The following MEGF10 variants were observed in gnomAD, a reference collection of about 807,000 sequenced individuals.
MEGF10 encodes the protein multiple EGF like domains 10, also known as multiple epidermal growth factor-like domains protein 10.
A neutral mutation model predicts 147.5 loss-of-function variants in MEGF10; 86 were observed. The ratio of observed to expected loss-of-function variants is 0.58; its 90% CI spans 0.49 to 0.70. The LOEUF is 0.70. Among genes scored for constraint, MEGF10 ranks in the 30% least tolerant of loss-of-function variants. MEGF10 has a pLI of 0.00. For synonymous variants in MEGF10, 478 were observed against 525.5 expected, an observed-to-expected ratio of 0.91 and a Z score of 1.24; for missense variants, 1,329 against 1,487.3, an observed-to-expected ratio of 0.89 and a Z score of 1.75.
the MEGF10 span, among the ~76,000 whole-genome samples, chr5:127,281,086 G>A: frequency 3.3e-5 from 5 of 152,202 alleles, no homozygotes; most frequent in African/African-American, 1.2e-4. Context: ...CATTGACGGT[G>A]AGAACTCCAG....
At chr5:127,360,245 A>G (rs1762422089) in intron 4 of MEGF10, among the ~76,000 whole-genome samples, 1 of 151,904 alleles carries the variant, frequency 6.6e-6, no homozygotes, top group Non-Finnish European at 1.5e-5. Flanking sequence ...TAAGTATTTC[A>G]TATTTTTTGA....
intron 11 of MEGF10, 109 bp downstream of exon 11, chr5:127,419,349 C>A: frequency 7.4e-7 from 1 of 1,344,802 alleles, no homozygotes; most frequent in Non-Finnish European, 1.0e-6. Flanking sequence ...CACCAAAATT[C>A]AGTGTCTGAC....
At chr5:127,302,932 G>GA (rs1255655910) in intron 1 of MEGF10, among the ~76,000 whole-genome samples, 1 of 152,170 alleles carries the variant, frequency 6.6e-6, no homozygotes, top group Non-Finnish European at 1.5e-5. Flanking sequence ...AATCACAGAA[G>GA]AGGAGAGAGT....
the MEGF10 span, among the ~76,000 whole-genome samples, chr5:127,275,812 C>A: frequency 2.0e-5 from 3 of 152,126 alleles, no homozygotes; most frequent in Non-Finnish European, 4.4e-5. Flanking sequence ...GGATTGTTGA[C>A]ACCGAGAGTA....
chr5:127,308,831 T>G (rs1477434411), intron 1 of MEGF10, among the ~76,000 whole-genome samples: 2 of 151,948 alleles, frequency 1.3e-5, no homozygotes, highest in African/African-American at 4.8e-5. Flanking sequence ...AACTGCATGT[T>G]GTGCACACGT....
At chr5:127,248,383 T>TA in the MEGF10 span, among the ~76,000 whole-genome samples, 2 of 151,992 alleles carry the variant, frequency 1.3e-5, no homozygotes, top group African/African-American at 2.4e-5. Flanking sequence ...AACAAAGATT[T>TA]AAAAAAATAC....
intron 5 of MEGF10, among the ~76,000 whole-genome samples, chr5:127,371,409 G>A (rs960850430): frequency 2.0e-5 from 3 of 152,080 alleles, no homozygotes; most frequent in African/African-American, 4.8e-5. Flanking sequence ...TTTTCTGGCC[G>A]ACTGACCTCA....
At position 127,422,753 on chromosome 5, in the gene MEGF10, C is replaced by T. The variant is rs1240722484; in HGVS notation, c.1674C>T (p.Arg558=). 4 of 1,614,090 alleles carry T rather than the reference C, an allele frequency of 2.5e-6. No individual in the cohort carries two copies. Among genetic ancestry groups the T allele is most frequent in the East Asian group, 2.2e-5 (1 of 44,870 alleles). ...GCCACCCTACCACGGGCCATTGCCG[C>T]TGCCTCCCCGGATGGTCAGGTGAGA... The part of the protein sequence containing the change: ...DGCHPTTGHC[R]CLPGWSGVHC... The change falls in exon 13 of 25, where the codon CGC becomes CGT. Residue 558 remains arginine (R), a synonymous_variant. Transcript: ENST00000503335.
At chr5:127,240,392 G>A in the MEGF10 span, among the ~76,000 whole-genome samples, 4 of 152,148 alleles carry the variant, frequency 2.6e-5, no homozygotes, top group African/African-American at 9.7e-5. Flanking sequence ...AAAGCTCTCT[G>A]ATGTCTCTGT....
At chr5:127,297,594 T>G (rs1759562696) in intron 1 of MEGF10, among the ~76,000 whole-genome samples, 2 of 152,146 alleles carry the variant, frequency 1.3e-5, no homozygotes, top group African/African-American at 4.8e-5. Context: ...GGTGGGGGAA[T>G]GGGCTCAGCA....
At chr5:127,404,352 A>ATC (rs1389258205) in intron 8 of MEGF10, among the ~76,000 whole-genome samples, 43 of 152,036 alleles carry the variant, frequency 2.8e-4, no homozygotes, top group African/African-American at 1.0e-3. Context: ...CTCCTTATAT[A>ATC]TGCTGGTCAT....
the MEGF10 span, among the ~76,000 whole-genome samples, chr5:127,244,209 A>AAG: frequency 6.6e-6 from 1 of 151,306 alleles, no homozygotes; most frequent in African/African-American, 2.4e-5. Flanking sequence ...AAAAAAAAAA[A>AAG]AAAAAAAATT....
At chr5:127,314,538 C>G (rs2126746824) in intron 1 of MEGF10, among the ~76,000 whole-genome samples, 1 of 152,276 alleles carries the variant, frequency 6.6e-6, no homozygotes, top group South Asian at 2.1e-4. Context: ...AGAATTTTTA[C>G]TTATGTCCTG....
Position 127,440,725 on chromosome 5 carries a change from C to G in MEGF10, c.2234-14C>G. 1.2e-6 allele frequency: 2 copies of G among 1,613,380 alleles called. No homozygotes were observed. The highest frequency in any genetic ancestry group is 1.7e-6 in the Non-Finnish European group (2 of 1,179,564). The stretch of plus-strand genomic sequence containing the variant: ...GCAGCCTCTTGACTCCTACTGTCCT[C>G]CCTCCTCCCACAGGATGTCCTCTAG... On this transcript the variant is annotated splice_polypyrimidine_tract_variant and intron_variant, in intron 17 of 24. Transcript: ENST00000503335.
chr5:127,445,046 A>G (rs1319735065), intron 19 of MEGF10, among the ~76,000 whole-genome samples: 1 of 152,212 alleles, frequency 6.6e-6, no homozygotes, highest in Non-Finnish European at 1.5e-5. Context: ...AATATATAAG[A>G]AGCTCTCAAA....
At chr5:127,368,687 T>A (rs1030574754) in intron 4 of MEGF10, among the ~76,000 whole-genome samples, 1 of 152,190 alleles carries the variant, frequency 6.6e-6, no homozygotes, top group Admixed American at 6.5e-5. Flanking sequence ...CTAAATCTTA[T>A]GATCAAGACC....
At chr5:127,264,396 G>A in the MEGF10 span, among the ~76,000 whole-genome samples, 2 of 152,228 alleles carry the variant, frequency 1.3e-5, no homozygotes, top group African/African-American at 4.8e-5. Context: ...GTTACATTTT[G>A]ATAGCACTGT....
intron 22 of MEGF10, 102 bp from the exon 23 acceptor site, chr5:127,454,464 T>C: frequency 1.0e-6 from 1 of 955,716 alleles, no homozygotes; most frequent in Non-Finnish European, 1.6e-6. Flanking sequence ...AGCCTGGTTG[T>C]TTGCTGCAGT....
the MEGF10 span, among the ~76,000 whole-genome samples, chr5:127,258,200 A>G: frequency 6.6e-6 from 1 of 152,318 alleles, no homozygotes; most frequent in African/African-American, 2.4e-5. Context: ...CAGAATTGAG[A>G]CCAAGTGACT....
Sources: gnomAD v4.1 joint callset for allele counts (sites outside exome capture counted in the v4.1 genomes callset) on GRCh38, gnomAD v4.1.1 for gene constraint, MANE v1.5 for transcripts, NCBI Gene and HGNC (gene_info 2026-07-23, HGNC 2026-07-21) for gene names.